Variants in NCK1 observed in about 807,000 individuals in gnomAD.
NCK1 encodes the protein NCK adaptor protein 1.
A neutral mutation model predicts 36.6 loss-of-function variants in NCK1; 19 were observed. The observed-to-expected ratio is 0.52, with a 90% CI of 0.36 to 0.76. The LOEUF (loss-of-function observed/expected upper bound fraction) is 0.76. Among genes scored for constraint, NCK1 ranks in the 30% least tolerant of loss-of-function variants. NCK1 has a pLI of 0.00. For synonymous variants in NCK1, 165 were observed against 156.0 expected, an observed-to-expected ratio of 1.06 and a Z score of -0.43; for missense variants, 358 against 445.6, an observed-to-expected ratio of 0.80 and a Z score of 1.77.
chr3:136,885,010 T>G (rs939791703), intron 1 of NCK1, among the ~76,000 whole-genome samples: 8 of 152,132 alleles, frequency 5.3e-5, no homozygotes, highest in African/African-American at 1.9e-4. Context: ...TGTGAGCCAC[T>G]GCGCCTGCTG....
intron 1 of NCK1, among the ~76,000 whole-genome samples, chr3:136,917,529 C>T (rs1299053806): frequency 6.6e-6 from 1 of 152,164 alleles, no homozygotes; most frequent in Non-Finnish European, 1.5e-5. Context: ...TCCTAGTGCC[C>T]TCCACCTTAT....
intron 2 of NCK1, chr3:136,930,452 A>G (rs1373262918): frequency 3.2e-6 from 4 of 1,251,320 alleles, no homozygotes; most frequent in Non-Finnish European, 2.0e-6. Flanking sequence ...GCCAGGTCAC[A>G]TGGATTGGGT....
chr3:136,902,693 C>T (rs1560041605), intron 1 of NCK1, among the ~76,000 whole-genome samples: 1 of 151,814 alleles, frequency 6.6e-6, no homozygotes, highest in Non-Finnish European at 1.5e-5. Context: ...TAACACAGTA[C>T]TGCAAGTCCT....
intron 2 of NCK1, among the ~76,000 whole-genome samples, chr3:136,936,118 G>T (rs1384938826): frequency 6.7e-6 from 1 of 148,572 alleles, no homozygotes; most frequent in African/African-American, 2.5e-5. Flanking sequence ...TCAGCTCACT[G>T]CAACCTCTGC....
At chr3:136,943,417 CTG>C (rs1940727418) in intron 2 of NCK1, among the ~76,000 whole-genome samples, 3 of 152,194 alleles carry the variant, frequency 2.0e-5, no homozygotes, top group Admixed American at 1.3e-4. Context: ...ATGGCACAAT[CTG>C]TGGGTGTCTA....
At chr3:136,877,349 G>T (rs575349153) in intron 1 of NCK1, among the ~76,000 whole-genome samples, 3 of 152,178 alleles carry the variant, frequency 2.0e-5, no homozygotes, top group Non-Finnish European at 2.9e-5. Flanking sequence ...CTAGAAAATT[G>T]TCAGCTGTTT....
At chr3:136,894,105 C>G (rs1017530215) in intron 1 of NCK1, among the ~76,000 whole-genome samples, 7 of 152,148 alleles carry the variant, frequency 4.6e-5, no homozygotes, top group Non-Finnish European at 1.0e-4. Context: ...TTTATCACTG[C>G]TAGTATATTT....
intron 2 of NCK1, among the ~76,000 whole-genome samples, chr3:136,933,397 A>G (rs1045655782): frequency 6.6e-6 from 1 of 152,246 alleles, no homozygotes; most frequent in African/African-American, 2.4e-5. Flanking sequence ...GACTTGCCTC[A>G]GGGAGCACAG....
At chr3:136,926,571 G>A (rs9846754) in intron 1 of NCK1, among the ~76,000 whole-genome samples, 103,249 of 151,570 alleles carry the variant, frequency 0.68, 35,421 homozygotes, top group East Asian at 0.87. Flanking sequence ...CACCGCGCCC[G>A]GCCACTCTTT....
chr3:136,864,848 C>T (rs1576935035), intron 1 of NCK1, among the ~76,000 whole-genome samples: 1 of 145,738 alleles, frequency 6.9e-6, no homozygotes, highest in Non-Finnish European at 1.5e-5. Context: ...ACCTCTGCCT[C>T]CCGGGTTCAA....
intron 3 of NCK1, chr3:136,947,112 G>C (rs956855804): frequency 5.9e-5 from 9 of 152,172 alleles, no homozygotes; most frequent in African/African-American, 2.2e-4. Context: ...AAAATGTGTG[G>C]AAGTGGGGTG....
chr3:136,947,431 C>T (rs1337452588), intron 3 of NCK1, among the ~76,000 whole-genome samples: 1 of 151,664 alleles, frequency 6.6e-6, no homozygotes, highest in Non-Finnish European at 1.5e-5. Context: ...GCAATATATA[C>T]CATTATTTTT....
chr3:136,871,623 A>G (rs1445069660), intron 1 of NCK1, among the ~76,000 whole-genome samples: 1 of 152,104 alleles, frequency 6.6e-6, no homozygotes, highest in Non-Finnish European at 1.5e-5. Context: ...CTCTATCGCC[A>G]TAAACTATTT....
At chr3:136,946,613 T>A (rs1011775486) in intron 3 of NCK1, among the ~76,000 whole-genome samples, 6 of 152,152 alleles carry the variant, frequency 3.9e-5, no homozygotes, top group African/African-American at 1.4e-4. Flanking sequence ...GCCTCTTCAT[T>A]GAGAGTAGAA....
At chr3:136,940,789 C>T (rs756496706) in intron 2 of NCK1, among the ~76,000 whole-genome samples, 6 of 152,108 alleles carry the variant, frequency 3.9e-5, no homozygotes, top group Non-Finnish European at 7.4e-5. Context: ...AAGTGATCCA[C>T]CCGCCTCGGC....
At chr3:136,947,613 G>A (rs992427746) in intron 3 of NCK1, among the ~76,000 whole-genome samples, 1 of 152,042 alleles carries the variant, frequency 6.6e-6, no homozygotes, top group Admixed American at 6.6e-5. Flanking sequence ...ATTGAGACCC[G>A]GTTCCTGCAA....
At chr3:136,871,774 T>C (rs1938625264) in intron 1 of NCK1, among the ~76,000 whole-genome samples, 2 of 152,068 alleles carry the variant, frequency 1.3e-5, no homozygotes, top group African/African-American at 2.4e-5. Context: ...ACCATGGGGG[T>C]GGGCCTTTCT....
At chr3:136,924,170 A>G (rs1012343372) in intron 1 of NCK1, among the ~76,000 whole-genome samples, 3 of 152,358 alleles carry the variant, frequency 2.0e-5, no homozygotes, top group Admixed American at 2.0e-4. Flanking sequence ...AACATCACAG[A>G]AAATGGTTCA....
At chr3:136,893,699 G>C (rs1939317328) in intron 1 of NCK1, among the ~76,000 whole-genome samples, 1 of 152,028 alleles carries the variant, frequency 6.6e-6, no homozygotes, top group Non-Finnish European at 1.5e-5. Flanking sequence ...TCTACATCTT[G>C]CTTTGCTCAG....
Sources: allele counts gnomAD v4.1 joint callset (sites outside exome capture counted in the v4.1 genomes callset), GRCh38; gene constraint gnomAD v4.1.1; transcripts MANE v1.5; gene names NCBI Gene and HGNC (gene_info 2026-07-23, HGNC 2026-07-21).